SPHKAP: variants seen among roughly 807,000 people sequenced by gnomAD.
SPHKAP encodes SPHK1 interactor, AKAP domain containing.
A neutral mutation model predicts 137.5 loss-of-function variants in SPHKAP; 67 were observed. That is an observed-to-expected ratio of 0.49 (90% CI 0.40 to 0.60). The LOEUF is 0.60. Ranked by LOEUF, SPHKAP falls within the 20% of genes least tolerant of loss-of-function variation. The probability of loss-of-function intolerance (pLI) is 0.00; values close to 1 mark genes in which losing one functional copy is unlikely to be tolerated. For synonymous variants in SPHKAP, 813 were observed against 785.3 expected (o/e 1.04, Z -0.59); for missense variants, 2,097 against 2,069.3 (o/e 1.01, Z -0.26).
intron 1 of SPHKAP, among the ~76,000 whole-genome samples, chr2:228,163,611 T>A (rs183429506): frequency 2.6e-5 from 4 of 152,276 alleles, no homozygotes; most frequent in Admixed American, 2.0e-4. Flanking sequence ...AACATGGGTG[T>A]TTGCAGGTGT....
At chr2:228,038,560 T>C (rs886726575) in intron 3 of SPHKAP, among the ~76,000 whole-genome samples, 1 of 152,214 alleles carries the variant, frequency 6.6e-6, no homozygotes, top group African/African-American at 2.4e-5. Context: ...CTCTGTAAAA[T>C]GCCTGCATGA....
intron 7 of SPHKAP, among the ~76,000 whole-genome samples, chr2:228,010,656 T>C (rs1161712536): frequency 6.6e-5 from 10 of 152,204 alleles, no homozygotes; most frequent in Admixed American, 6.5e-4. Context: ...TATGCCATTG[T>C]GGTTTTGATT....
At chr2:228,050,249 T>G (rs1696209041) in intron 3 of SPHKAP, among the ~76,000 whole-genome samples, 1 of 152,156 alleles carries the variant, frequency 6.6e-6, no homozygotes, top group Non-Finnish European at 1.5e-5. Context: ...AAAAATACAT[T>G]AATTCAGCCA....
rs199537804 is a variant in SPHKAP at position 228,020,097 on chromosome 2, T to A, written c.757A>T (p.Thr253Ser). The change falls in exon 7 of 12, where the codon ACC (threonine) becomes TCC (serine). Residue 253 changes from threonine to serine, a missense_variant. Transcript: ENST00000392056. ...TTGTTGCAATTCCATTCCACCTGGGTGGCTCCCTTTAGCTGTTTACTTTCC... is the reference window on the plus strand; with the variant it reads ...TTGTTGCAATTCCATTCCACCTGGGAGGCTCCCTTTAGCTGTTTACTTTCC... Reference protein sequence around the residue: ...VLESKQLKGATQVEWNCNKEK... With the variant: ...VLESKQLKGASQVEWNCNKEK... The A allele has an allele frequency of 3.7e-6, 6 of 1,613,956 alleles. No homozygotes were observed. The highest frequency in any genetic ancestry group is 5.1e-6 in the Non-Finnish European group (6 of 1,180,004).
At chr2:228,007,047 C>A (rs1477718735) in intron 7 of SPHKAP, among the ~76,000 whole-genome samples, 2 of 152,184 alleles carry the variant, frequency 1.3e-5, no homozygotes, top group Non-Finnish European at 2.9e-5. Flanking sequence ...GCTGGGAGAA[C>A]CACTACTCTC....
At chr2:228,007,208 T>C (rs1694176256) in intron 7 of SPHKAP, among the ~76,000 whole-genome samples, 1 of 152,200 alleles carries the variant, frequency 6.6e-6, no homozygotes, top group South Asian at 2.1e-4. Context: ...CAAATAATAA[T>C]TACATCCATT....
At position 227,996,456 on chromosome 2, in the gene SPHKAP, T is replaced by C. The variant is rs181968025; in HGVS notation, c.4449-762A>G. ...CCTTCTTGCCTGGAACCCAGTTGTC[T>C]GTTTTTCCTTTAAGTGTAGCTATAG... On this transcript the variant is annotated intron_variant, in intron 7 of 11. Transcript: ENST00000392056. Among the ~76,000 whole-genome samples, 503 of 152,290 alleles carry C rather than the reference T, an allele frequency of 3.3e-3. 3 individuals carry two copies. Among genetic ancestry groups the C allele is most frequent in the African/African-American group, 0.012 (488 of 41,572 alleles).
At chr2:228,106,203 T>C (rs1199843254) in intron 3 of SPHKAP, among the ~76,000 whole-genome samples, 4 of 152,230 alleles carry the variant, frequency 2.6e-5, no homozygotes, top group Non-Finnish European at 4.4e-5. Context: ...AAAAATATTA[T>C]GTGGACATCT....
intron 7 of SPHKAP, among the ~76,000 whole-genome samples, chr2:228,000,423 C>T (rs939567267): frequency 2.0e-5 from 3 of 152,096 alleles, no homozygotes; most frequent in African/African-American, 7.2e-5. Flanking sequence ...TGGAGACCAT[C>T]GTGGCTAACA....
At chr2:227,995,201 T>A (rs373892106) in intron 8 of SPHKAP, among the ~76,000 whole-genome samples, 1 of 152,120 alleles carries the variant, frequency 6.6e-6, no homozygotes. Context: ...ACACACCAGG[T>A]GTAAAAGCAG....
chr2:228,032,374 CATT>C (rs1407767055), intron 3 of SPHKAP, among the ~76,000 whole-genome samples: 1 of 152,054 alleles, frequency 6.6e-6, no homozygotes, highest in East Asian at 1.9e-4. Context: ...AGAAATATGG[CATT>C]ATGTGAAAAG....
chr2:228,099,854 TGTTTG>T (rs536082473), intron 3 of SPHKAP, among the ~76,000 whole-genome samples: 122 of 99,932 alleles, frequency 1.2e-3, no homozygotes, highest in African/African-American at 4.5e-3. Context: ...GATTTTTTTT[TGTTTG>T]TTTTTTTTGA....
chr2:228,036,877 C>T (rs1007158344), intron 3 of SPHKAP, among the ~76,000 whole-genome samples: 5 of 150,288 alleles, frequency 3.3e-5, no homozygotes, highest in African/African-American at 1.2e-4. Flanking sequence ...ACTCTGGGGC[C>T]TGTTGTGGGG....
intron 5 of SPHKAP, chr2:228,022,315 G>A: frequency 2.8e-6 from 1 of 356,098 alleles, no homozygotes; most frequent in Non-Finnish European, 3.9e-6. Context: ...GAATTAAGTT[G>A]GACCACAACT....
At position 228,042,303 on chromosome 2, in the gene SPHKAP, C is replaced by T. The variant is rs528285823; in HGVS notation, c.247-14760G>A. 2.0e-4 allele frequency among the ~76,000 whole-genome samples: 30 copies of T among 152,198 alleles called. No individual in the cohort carries two copies. In the South Asian group the frequency reaches 5.4e-3, roughly 27 times the overall value. On this transcript the variant is annotated intron_variant, in intron 3 of 11. Coordinates refer to ENST00000392056, the MANE Select transcript of SPHKAP (RefSeq NM_001142644.2). ...AACCACAACTATTTAATCAAAATCT[C>T]GGGTTGGGGCCTGAGGATATTTACT...
At position 228,017,004 on chromosome 2, in the gene SPHKAP, C is replaced by T. The variant is rs747673615; in HGVS notation, c.3850G>A (p.Gly1284Ser). The change falls in exon 7 of 12, where the codon GGT (glycine) becomes AGT (serine). Residue 1284 changes from glycine (G) to serine (S), a missense_variant. Physicochemically the swap from Gly to Ser is moderately conservative, Grantham distance 56. Coordinates refer to ENST00000392056, the MANE Select transcript of SPHKAP (RefSeq NM_001142644.2). ...VQPVSSASSSGLCKSDSCLYR... is the reference protein window; with the variant it reads ...VQPVSSASSSSLCKSDSCLYR... ...AAGCAAGAGTCAGATTTGCAGAGAC[C>T]GGATGAGGACGCGCTACTGACCGGC... is the stretch of plus-strand genomic sequence containing the variant. 10 of 1,613,960 alleles carry T rather than the reference C, an allele frequency of 6.2e-6. No homozygotes were observed. Among genetic ancestry groups the T allele is most frequent in the Middle Eastern group, 1.6e-4 (1 of 6,082 alleles).
intron 2 of SPHKAP, among the ~76,000 whole-genome samples, chr2:228,115,397 T>G (rs10175063): frequency 0.34 from 52,286 of 151,898 alleles, 9,281 homozygotes; most frequent in East Asian, 0.5. Flanking sequence ...CTTCCTGACT[T>G]CCCTATTTGC....
chr2:228,065,810 G>A (rs1402291302), intron 3 of SPHKAP, among the ~76,000 whole-genome samples: 1 of 152,158 alleles, frequency 6.6e-6, no homozygotes, highest in Non-Finnish European at 1.5e-5. Flanking sequence ...TTGGGTCTGT[G>A]GCAAGGCTGC....
At chr2:228,107,672 C>T (rs1698386082) in intron 3 of SPHKAP, among the ~76,000 whole-genome samples, 2 of 152,260 alleles carry the variant, frequency 1.3e-5, no homozygotes, top group East Asian at 3.9e-4. Context: ...AGCTTTTCCT[C>T]TCCATTTTAC....
Sources: gnomAD v4.1 joint callset for allele counts (sites outside exome capture counted in the v4.1 genomes callset) on GRCh38, gnomAD v4.1.1 for gene constraint, MANE v1.5 for transcripts, NCBI Gene and HGNC (gene_info 2026-07-23, HGNC 2026-07-21) for gene names.